The following LRGUK variants were observed in gnomAD, a reference collection of about 807,000 sequenced individuals.
LRGUK encodes leucine rich repeats and guanylate kinase domain containing.
LRGUK carries 65 observed loss-of-function variants against 76.0 expected under a neutral mutation model. The ratio of observed to expected loss-of-function variants is 0.85; its 90% CI spans 0.70 to 1.05. LRGUK has a LOEUF of 1.05. Ranked by LOEUF, LRGUK falls within the 50% of genes least tolerant of loss-of-function variation. The pLI is 0.00. For missense variants in LRGUK, 758 were observed against 732.8 expected (o/e 1.03, Z -0.40); for synonymous variants, 268 against 265.6 (o/e 1.01, Z -0.09).
At chr7:134,132,196 A>T (rs115766787) in intron 1 of LRGUK, among the ~76,000 whole-genome samples, 2,823 of 152,142 alleles carry the variant, frequency 0.019, 89 homozygotes, top group African/African-American at 0.06. Context: ...AAGAATTTTT[A>T]AAAAATTAGC....
chr7:134,244,047 T>C (rs1273800945), intron 16 of LRGUK, among the ~76,000 whole-genome samples: 1 of 152,080 alleles, frequency 6.6e-6, no homozygotes, highest in African/African-American at 2.4e-5. Context: ...ATACAAAAAT[T>C]AATTCAAGAT....
intron 2 of LRGUK, among the ~76,000 whole-genome samples, chr7:134,137,382 T>C (rs1797581280): frequency 6.6e-6 from 1 of 152,230 alleles, no homozygotes; most frequent in African/African-American, 2.4e-5. Context: ...AAGTAGTCTA[T>C]ATTATAGTAA....
chr7:134,128,180 C>T (rs1797106905), intron 1 of LRGUK, among the ~76,000 whole-genome samples: 2 of 151,170 alleles, frequency 1.3e-5, no homozygotes, highest in Non-Finnish European at 2.9e-5. Context: ...AAGTTGAATA[C>T]ATTACTTCTG....
chr7:134,176,895 A>G, intron 8 of LRGUK, 82 bp from the exon 9 acceptor site: 1 of 782,556 alleles, frequency 1.3e-6, no homozygotes. Context: ...TGAAAGGCCC[A>G]AGCTCATGAA....
intron 16 of LRGUK, among the ~76,000 whole-genome samples, chr7:134,239,697 A>C (rs1802093702): frequency 6.6e-6 from 1 of 152,170 alleles, no homozygotes; most frequent in Non-Finnish European, 1.5e-5. Flanking sequence ...CTTTGAAGAG[A>C]GTAGTGGTTT....
intron 4 of LRGUK, among the ~76,000 whole-genome samples, chr7:134,146,701 T>G (rs1356407862): frequency 6.6e-6 from 1 of 152,248 alleles, no homozygotes; most frequent in African/African-American, 2.4e-5. Context: ...CCATTGGAGT[T>G]GTTTCTAAAT....
exon 20 of LRGUK, chr7:134,264,203 G>GTTTT (rs921193567): frequency 1.5e-4 from 57 of 381,918 alleles, no homozygotes; most frequent in Non-Finnish European, 2.4e-4. Flanking sequence ...AAAGATGTGA[G>GTTTT]TTTTTTTAAT....
intron 7 of LRGUK, among the ~76,000 whole-genome samples, chr7:134,165,126 G>A (rs2116940778): frequency 6.6e-6 from 1 of 152,180 alleles, no homozygotes; most frequent in South Asian, 2.1e-4. Flanking sequence ...TCAGGATTTA[G>A]GAAAAGGAGT....
chr7:134,127,603 A>AGCGAGGG lies in LRGUK; in HGVS notation c.236_237insGCGAGGG (p.Asp79GlufsTer27). ...GAGCTGGACTCGGACGGAGATGAGGACCAGGGCGAGGGCGAGGCGGGATCC... is the reference window on the plus strand; with the variant it reads ...GAGCTGGACTCGGACGGAGATGAGGAGCGAGGGCCAGGGCGAGGGCGAGGCGGGATCC... On this transcript the variant is annotated frameshift_variant, in exon 1 of 16. Transcript: ENST00000645682. LOFTEE classifies it high-confidence loss of function. 2 of 1,614,214 alleles carry AGCGAGGG rather than the reference A, an allele frequency of 1.2e-6. No individual in the cohort carries two copies.
rs747694029 is a variant in LRGUK, at chr7:134,127,643, G to T, written c.276G>T (p.Glu92Asp). Residue 92 changes from glutamate to aspartate, a missense_variant, in exon 1 of 16, where the codon GAG (glutamate) becomes GAT (aspartate). Physicochemically the swap from Glu to Asp is conservative, Grantham distance 45. Transcript: ENST00000645682. ...AGGCGGGATCCGAGGAGTCCTCAGA[G>T]TCCGAAATGCTGAATTTGGAGGTGT... 4 of 1,613,558 alleles carry T rather than the reference G, an allele frequency of 2.5e-6. No individual in the cohort carries two copies. In the African/African-American group the frequency reaches 5.3e-5, roughly 22 times the overall value.
At chr7:134,276,266 C>G in the LRGUK span, among the ~76,000 whole-genome samples, 6 of 152,312 alleles carry the variant, frequency 3.9e-5, no homozygotes, top group Non-Finnish European at 7.4e-5. Flanking sequence ...CCATCCCCAC[C>G]AAAGGCGTGA....
chr7:134,141,218 T>C (rs1585423421), intron 3 of LRGUK, among the ~76,000 whole-genome samples: 1 of 152,208 alleles, frequency 6.6e-6, no homozygotes, highest in East Asian at 1.9e-4. Flanking sequence ...CATATGTTTC[T>C]TTTTGTGATG....
chr7:134,176,910 C>T lies in LRGUK; in HGVS notation c.1021-67C>T, dbSNP rs1247712299. 9.8e-6 allele frequency: 9 copies of T among 919,436 alleles called. No individual in the cohort carries two copies. The Admixed American group carries it at 1.0e-4, about 10-fold the overall frequency. The allele number at this position is 919,436 out of a possible 1,614,324, so 57.0% of individuals were successfully genotyped here. On this transcript the variant is annotated intron_variant, in intron 8 of 15. Transcript: ENST00000645682. ...TGAAAGGCCCAAGCTCATGAAAACC[C>T]AATGCTGGTGCTTGTTGATTTGGGA...
At chr7:134,256,286 C>T (rs1193377183) in intron 18 of LRGUK, among the ~76,000 whole-genome samples, 2 of 151,780 alleles carry the variant, frequency 1.3e-5, no homozygotes, top group African/African-American at 4.8e-5. Context: ...GGAGAAACCC[C>T]GTCTCTACTA....
At chr7:134,185,527 CAA>C (rs568408754) in intron 11 of LRGUK, among the ~76,000 whole-genome samples, 10 of 120,014 alleles carry the variant, frequency 8.3e-5, no homozygotes, top group Non-Finnish European at 8.9e-5. Flanking sequence ...GACTCTGTCT[CAA>C]AAAAAAAAAA....
Position 134,257,445 on chromosome 7 carries a change from G to A in LRGUK, c.2199-812G>A, listed in dbSNP as rs918197814. ...AATCCCAAAGGAGAGGAACCTGGCG[G>A]TAGGAAGTGTTTGGGCTCAGAGGCA... On this transcript the variant is annotated intron_variant, in intron 18 of 19. Coordinates refer to the LRGUK transcript ENST00000285928. Among the ~76,000 whole-genome samples the A allele has an allele frequency of 3.3e-5, 5 of 152,246 alleles. No individual in the cohort carries two copies. In the South Asian group the frequency reaches 1.0e-3, roughly 32 times the overall value.
At chr7:134,262,008 C>T (rs1802738596) in intron 19 of LRGUK, among the ~76,000 whole-genome samples, 1 of 152,196 alleles carries the variant, frequency 6.6e-6, no homozygotes, top group African/African-American at 2.4e-5. Context: ...ACCCCTTCAA[C>T]ACTCATCATT....
At chr7:134,200,875 T>C (rs938433890) in intron 14 of LRGUK, among the ~76,000 whole-genome samples, 2 of 152,132 alleles carry the variant, frequency 1.3e-5, no homozygotes, top group Admixed American at 1.3e-4. Flanking sequence ...ATCAGGAAGC[T>C]GAGGGCTCAT....
intron 11 of LRGUK, among the ~76,000 whole-genome samples, chr7:134,188,470 AG>A (rs1468300305): frequency 6.6e-6 from 1 of 152,122 alleles, no homozygotes; most frequent in African/African-American, 2.4e-5. Context: ...GGCTTAGGGA[AG>A]GAAGTCTGGA....
Sources: allele counts gnomAD v4.1 joint callset (sites outside exome capture counted in the v4.1 genomes callset), GRCh38; gene constraint gnomAD v4.1.1; transcripts MANE v1.5; gene names NCBI Gene and HGNC (gene_info 2026-07-23, HGNC 2026-07-21).